PTPRD: variants seen among roughly 807,000 people sequenced by gnomAD.
The protein encoded by PTPRD is receptor-type tyrosine-protein phosphatase delta.
Under a neutral mutation model 214.5 loss-of-function variants are expected in PTPRD, and 34 were observed. The ratio of observed to expected loss-of-function variants is 0.16; its 90% CI spans 0.12 to 0.21. The LOEUF (loss-of-function observed/expected upper bound fraction) is 0.21. PTPRD is among the 10% of genes least tolerant of loss of function. The pLI is 1.00. For synonymous variants in PTPRD, 1,128 were observed against 845.7 expected (o/e 1.33, Z -5.79); for missense variants, 2,545 against 2,398.7 (o/e 1.06, Z -1.27).
intron 3 of PTPRD, among the ~76,000 whole-genome samples, chr9:10,129,098 C>G (rs1226558997): frequency 6.6e-6 from 1 of 152,128 alleles, no homozygotes; most frequent in African/African-American, 2.4e-5. Context: ...TGTATTTCAA[C>G]TCCTGATATG....
intron 7 of PTPRD, among the ~76,000 whole-genome samples, chr9:9,581,510 A>G (rs1480697583): frequency 1.3e-5 from 2 of 152,190 alleles, no homozygotes; most frequent in East Asian, 3.9e-4. Context: ...TTATAATTGT[A>G]GGCAACATAT....
chr9:8,805,313 C>T (rs1311807642), intron 11 of PTPRD, among the ~76,000 whole-genome samples: 1 of 152,038 alleles, frequency 6.6e-6, no homozygotes, highest in East Asian at 1.9e-4. Flanking sequence ...ATTCATTTTC[C>T]CCATTTGAAG....
Position 10,381,522 on chromosome 9 carries a change from G to A in PTPRD, c.-599-40505C>T, listed in dbSNP as rs150539365. Among the ~76,000 whole-genome samples, 228 of 152,100 alleles carry A rather than the reference G, an allele frequency of 1.5e-3. 2 individuals are homozygous for A. Among genetic ancestry groups the A allele is most frequent in the African/African-American group, 5.3e-3 (221 of 41,550 alleles). ...CACAGAATTATGGTCCTCCCAAAAT[G>A]ATTCAGAGTATCATTTCCTTGACAT... On this transcript the variant is annotated intron_variant, in intron 2 of 45. Coordinates refer to ENST00000381196, the MANE Select transcript of PTPRD (RefSeq NM_002839.4).
At chr9:9,912,958 T>C (rs889330221) in intron 5 of PTPRD, among the ~76,000 whole-genome samples, 1 of 152,130 alleles carries the variant, frequency 6.6e-6, no homozygotes, top group Non-Finnish European at 1.5e-5. Context: ...CTCTCTTTCT[T>C]TATGAATGCA....
intron 3 of PTPRD, among the ~76,000 whole-genome samples, chr9:10,294,628 A>T (rs901336312): frequency 5.9e-5 from 9 of 152,002 alleles, no homozygotes; most frequent in African/African-American, 2.2e-4. Context: ...AAATATTTAT[A>T]GTTGGAAAAG....
chr9:8,491,555 A>G (rs2097150100), intron 27 of PTPRD, among the ~76,000 whole-genome samples: 1 of 152,000 alleles, frequency 6.6e-6, no homozygotes, highest in African/African-American at 2.4e-5. Flanking sequence ...TGACGTTCTA[A>G]CAGAGACTGG....
chr9:8,414,136 A>G (rs184268068), intron 35 of PTPRD, among the ~76,000 whole-genome samples: 6 of 152,328 alleles, frequency 3.9e-5, no homozygotes, highest in East Asian at 1.9e-4. Flanking sequence ...CTAGTTAAAT[A>G]AATTTCTCAG....
chr9:9,450,892 A>C (rs913237275), intron 8 of PTPRD, among the ~76,000 whole-genome samples: 2 of 151,360 alleles, frequency 1.3e-5, no homozygotes, highest in East Asian at 3.9e-4. Flanking sequence ...CCAAGAAAAA[A>C]TGATGGGCAA....
intron 8 of PTPRD, among the ~76,000 whole-genome samples, chr9:9,450,954 C>CACACACACACAA (rs537241986): frequency 1.4e-5 from 2 of 148,018 alleles, no homozygotes; most frequent in African/African-American, 5.0e-5. Flanking sequence ...CATACATACA[C>CACACACACACAA]ACACACACAC....
intron 43 of PTPRD, among the ~76,000 whole-genome samples, chr9:8,338,507 C>T (rs1458491207): frequency 2.0e-5 from 3 of 152,032 alleles, no homozygotes; most frequent in Non-Finnish European, 4.4e-5. Context: ...ACCAAATTAA[C>T]CTCTGGGTCC....
At chr9:10,252,940 C>T (rs1473099523) in intron 3 of PTPRD, among the ~76,000 whole-genome samples, 2 of 151,944 alleles carry the variant, frequency 1.3e-5, no homozygotes, top group African/African-American at 2.4e-5. Flanking sequence ...TGCGCCACCA[C>T]ACCCGGCTCA....
intron 11 of PTPRD, among the ~76,000 whole-genome samples, chr9:8,905,298 C>T (rs1696161660): frequency 6.6e-6 from 1 of 151,728 alleles, no homozygotes; most frequent in Non-Finnish European, 1.5e-5. Flanking sequence ...TAAACTTGGC[C>T]TTTCCCTTGG....
At chr9:9,989,253 T>G (rs1003207188) in intron 4 of PTPRD, among the ~76,000 whole-genome samples, 4 of 152,124 alleles carry the variant, frequency 2.6e-5, no homozygotes, top group Admixed American at 6.5e-5. Context: ...TCCTCAAGTC[T>G]GGACCCACGG....
At chr9:9,543,575 T>C (rs1468417880) in intron 8 of PTPRD, among the ~76,000 whole-genome samples, 1 of 151,630 alleles carries the variant, frequency 6.6e-6, no homozygotes, top group African/African-American at 2.4e-5. Flanking sequence ...AATGATAGAT[T>C]TTTTGGTGAT....
intron 10 of PTPRD, among the ~76,000 whole-genome samples, chr9:9,085,838 C>A (rs1181748521): frequency 6.6e-6 from 1 of 152,050 alleles, no homozygotes; most frequent in Admixed American, 6.6e-5. Context: ...TTAATTTAAG[C>A]CTCTCGAATC....
intron 3 of PTPRD, among the ~76,000 whole-genome samples, chr9:10,096,435 C>A (rs958784394): frequency 1.3e-5 from 2 of 151,894 alleles, no homozygotes; most frequent in Non-Finnish European, 2.9e-5. Flanking sequence ...GCCATTCTAA[C>A]TGGCGTGAGA....
At position 9,733,991 on chromosome 9, in the gene PTPRD, C is replaced by T. The variant is rs539165348; in HGVS notation, c.-287+542G>A. Among the ~76,000 whole-genome samples the T allele has an allele frequency of 3.9e-5, 6 of 152,266 alleles. No homozygotes were observed. The East Asian group carries it at 1.2e-3, about 29-fold the overall frequency. On this transcript the variant is annotated intron_variant, in intron 7 of 45. Coordinates refer to ENST00000381196, the MANE Select transcript of PTPRD (RefSeq NM_002839.4). ...CTCAACCAGTACAGCTTTATCATCC[C>T]TGTAATGCATGTCCCAGGAAAATGT...
At chr9:9,948,906 A>T (rs896576407) in intron 4 of PTPRD, among the ~76,000 whole-genome samples, 35 of 152,144 alleles carry the variant, frequency 2.3e-4, no homozygotes, top group Non-Finnish European at 4.4e-4. Context: ...GAGCTATTTG[A>T]AATATAAATA....
chr9:9,564,541 G>T lies in PTPRD; in HGVS notation c.-237+10191C>A, dbSNP rs1167302570. 2.0e-5 allele frequency among the ~76,000 whole-genome samples: 3 copies of T among 152,008 alleles called. 1 individual carries two copies. Among genetic ancestry groups the T allele is most frequent in the Admixed American group, 2.0e-4 (3 of 15,232 alleles). ...CACACTTTTATCAGATTTACTAGAT[G>T]ATTCTCTTGCACACCAAATTGTGAG... On this transcript the variant is annotated intron_variant, in intron 8 of 45. Coordinates refer to ENST00000381196, the MANE Select transcript of PTPRD (RefSeq NM_002839.4).
Sources: gnomAD v4.1 joint callset for allele counts (sites outside exome capture counted in the v4.1 genomes callset) on GRCh38, gnomAD v4.1.1 for gene constraint, MANE v1.5 for transcripts, NCBI Gene and HGNC (gene_info 2026-07-23, HGNC 2026-07-21) for gene names.